ZNF469: variants seen among roughly 807,000 people sequenced by gnomAD.
The protein encoded by ZNF469 is zinc finger protein 469.
ZNF469 carries 1 observed loss-of-function variant against 1.0 expected under a neutral mutation model. That is an observed-to-expected ratio of 1.00 (90% CI 0.35 to 4.73). The LOEUF (loss-of-function observed/expected upper bound fraction) is 4.73. Ranked by LOEUF, ZNF469 falls within the 30% of genes most tolerant of loss-of-function variation. ZNF469 has a pLI of 0.16. For synonymous variants in ZNF469, 2,703 were observed against 2,363.4 expected (o/e 1.14, Z -4.17); for missense variants, 6,100 against 5,356.3 (o/e 1.14, Z -4.33).
chr16:88,434,750 G>T lies in ZNF469; in HGVS notation c.7280G>T (p.Arg2427Ile), dbSNP rs1465279230. 3.2e-6 allele frequency: 5 copies of T among 1,550,268 alleles called. No homozygotes were observed. The Admixed American group carries it at 7.8e-5, about 24-fold the overall frequency. ...DFQSDSPQSH[R>I]NASHQTPQGD... ...CAGTCTGACTCCCCCCAAAGCCACA[G>T]AAATGCCTCCCACCAGACTCCCCAG... Residue 2427 changes from arginine (R) to isoleucine (I), a missense_variant, in exon 3 of 3, where the codon AGA becomes ATA. Coordinates refer to ENST00000565624, the MANE Select transcript of ZNF469 (RefSeq NM_001367624.2).
chr16:88,233,826 G>T, the ZNF469 span, among the ~76,000 whole-genome samples: 1 of 152,236 alleles, frequency 6.6e-6, no homozygotes, highest in Non-Finnish European at 1.5e-5. Flanking sequence ...GCTTTGGTGA[G>T]CGCAGTGCAG....
In ZNF469 at chr16:88,391,983, C is replaced by T. The variant is rs532183926; in HGVS notation, c.-192+8729C>T. Among the ~76,000 whole-genome samples, 6 of 152,260 alleles carry T rather than the reference C, an allele frequency of 3.9e-5. No homozygotes were observed. The South Asian group carries it at 6.2e-4, about 16-fold the overall frequency. ...CTGTCATATAACACATAACATGATA[C>T]GGTATCCTATTATGATGCAGATACA... On this transcript the variant is annotated intron_variant, in intron 1 of 2. Coordinates refer to ENST00000565624, the MANE Select transcript of ZNF469 (RefSeq NM_001367624.2).
At chr16:88,228,022 T>C in the ZNF469 span, among the ~76,000 whole-genome samples, 1 of 152,342 alleles carries the variant, frequency 6.6e-6, no homozygotes, top group Admixed American at 6.5e-5. Context: ...TCCTTCCATG[T>C]CTTCATGTGG....
chr16:88,265,096 C>G, the ZNF469 span, among the ~76,000 whole-genome samples: 1 of 152,102 alleles, frequency 6.6e-6, no homozygotes, highest in Admixed American at 6.5e-5. Flanking sequence ...CCACTCCGCC[C>G]TCATCCTGTC....
At chr16:88,332,324 A>G in the ZNF469 span, among the ~76,000 whole-genome samples, 1 of 152,284 alleles carries the variant, frequency 6.6e-6, no homozygotes, top group East Asian at 1.9e-4. Flanking sequence ...GGAGGATGAC[A>G]CCGTCTGTGT....
the ZNF469 span, among the ~76,000 whole-genome samples, chr16:88,146,451 G>A: frequency 6.6e-6 from 1 of 152,140 alleles, no homozygotes; most frequent in Non-Finnish European, 1.5e-5. Flanking sequence ...GTGGACCCGG[G>A]TCTCACGCCC....
At chr16:88,162,970 G>A in the ZNF469 span, among the ~76,000 whole-genome samples, 127 of 152,358 alleles carry the variant, frequency 8.3e-4, no homozygotes, top group African/African-American at 2.9e-3. Context: ...TGGGGAGGGA[G>A]TAGGTGTTGG....
At chr16:88,415,962 G>T (rs928311937) in intron 1 of ZNF469, among the ~76,000 whole-genome samples, 1 of 152,178 alleles carries the variant, frequency 6.6e-6, no homozygotes, top group East Asian at 1.9e-4. Flanking sequence ...GCCAGAGTGC[G>T]GACACCCCAT....
chr16:88,115,864 T>C, the ZNF469 span, among the ~76,000 whole-genome samples: 1 of 152,200 alleles, frequency 6.6e-6, no homozygotes, highest in Non-Finnish European at 1.5e-5. Flanking sequence ...TTCCTGGGCT[T>C]GTGGCCACAT....
At chr16:88,165,788 T>C in the ZNF469 span, among the ~76,000 whole-genome samples, 2 of 152,076 alleles carry the variant, frequency 1.3e-5, no homozygotes, top group Admixed American at 6.5e-5. Context: ...CCGCTTTCCC[T>C]GCCCCAGCCC....
At chr16:88,344,782 G>A in the ZNF469 span, among the ~76,000 whole-genome samples, 1 of 152,334 alleles carries the variant, frequency 6.6e-6, no homozygotes, top group Non-Finnish European at 1.5e-5. Context: ...CGCTATGGGT[G>A]TGTGCCCCGT....
At chr16:88,416,640 T>C (rs56782589) in intron 1 of ZNF469, among the ~76,000 whole-genome samples, 11,113 of 152,260 alleles carry the variant, frequency 0.073, 1,351 homozygotes, top group African/African-American at 0.25. Context: ...CAGGGCTTCA[T>C]TGGGAAAGAG....
chr16:88,240,585 G>A, the ZNF469 span, among the ~76,000 whole-genome samples: 1 of 152,156 alleles, frequency 6.6e-6, no homozygotes, highest in Non-Finnish European at 1.5e-5. Context: ...CAACCAGAGA[G>A]CGAGAGAAGC....
chr16:88,416,463 C>G (rs1905303345), intron 1 of ZNF469, among the ~76,000 whole-genome samples: 1 of 152,196 alleles, frequency 6.6e-6, no homozygotes, highest in Admixed American at 6.5e-5. Context: ...CAGCTTCACA[C>G]TGTCACACGT....
At chr16:88,186,097 C>T in the ZNF469 span, among the ~76,000 whole-genome samples, 1 of 152,234 alleles carries the variant, frequency 6.6e-6, no homozygotes, top group Non-Finnish European at 1.5e-5. Flanking sequence ...ATCACTGGGC[C>T]GACACCGGAG....
chr16:88,239,662 TTTTTGTATATATATATA>T, the ZNF469 span, among the ~76,000 whole-genome samples: 39 of 95,406 alleles, frequency 4.1e-4, 3 homozygotes, highest in African/African-American at 1.4e-3. Flanking sequence ...TTATTTTTTT[TTTTTGTATATATATATA>T]TATATATATA....
chr16:88,189,428 T>C, the ZNF469 span, among the ~76,000 whole-genome samples: 7 of 152,136 alleles, frequency 4.6e-5, no homozygotes, highest in African/African-American at 1.7e-4. The surrounding 1 kb of genome is among the most constrained non-coding windows in gnomAD (Gnocchi z 4.3). Flanking sequence ...TGACTGGAGT[T>C]GGGGAAGGAT....
At chr16:88,193,171 GGGATGGTGGTGA>G in the ZNF469 span, among the ~76,000 whole-genome samples, 4 of 5,566 alleles carry the variant, frequency 7.2e-4, no homozygotes, top group South Asian at 8.6e-3. Context: ...GATGGTGGTG[GGGATGGTGGTGA>G]TGGTGGTGGT....
At chr16:88,126,853 C>T in the ZNF469 span, among the ~76,000 whole-genome samples, 1 of 142,936 alleles carries the variant, frequency 7.0e-6, no homozygotes, top group Non-Finnish European at 1.5e-5. Flanking sequence ...GGGGTTTTGC[C>T]ATATTGGCCA....
Sources: gnomAD v4.1 joint callset for allele counts (sites outside exome capture counted in the v4.1 genomes callset) on GRCh38, gnomAD v4.1.1 for gene constraint, Gnocchi (gnomAD v3.1) non-coding constraint, MANE v1.5 for transcripts, NCBI Gene and HGNC (gene_info 2026-07-23, HGNC 2026-07-21) for gene names.